Variants in TENM2 observed in about 807,000 individuals in gnomAD.
The protein encoded by TENM2 is teneurin transmembrane protein 2.
Under a neutral mutation model 245.2 loss-of-function variants are expected in TENM2, and 52 were observed. That is an observed-to-expected ratio of 0.21 (90% CI 0.17 to 0.27). TENM2 has a LOEUF of 0.27. TENM2 is among the 10% of genes least tolerant of loss of function. TENM2 has a pLI of 1.00. For synonymous variants in TENM2, 1,363 were observed against 1,438.9 expected (o/e 0.95, Z 1.19); for missense variants, 3,046 against 3,666.8 (o/e 0.83, Z 4.37).
chr5:168,246,889 C>T (rs771538856), exon 27 of TENM2: 19 of 1,613,888 alleles, frequency 1.2e-5, no homozygotes, highest in Admixed American at 6.7e-5. Context: ...CGGCTACATC[C>T]GTAATATTTA....
intron 5 of TENM2, among the ~76,000 whole-genome samples, chr5:168,030,820 A>C (rs1276636451): frequency 6.6e-6 from 1 of 152,182 alleles, no homozygotes; most frequent in Non-Finnish European, 1.5e-5. Context: ...TTGCCATCTA[A>C]TGTGTTTTTT....
chr5:167,742,740 C>T (rs1761269772), intron 2 of TENM2, among the ~76,000 whole-genome samples: 1 of 150,460 alleles, frequency 6.6e-6, no homozygotes, highest in Non-Finnish European at 1.5e-5. Flanking sequence ...CACTTGAGGC[C>T]AGGAGTTTGA....
intron 2 of TENM2, among the ~76,000 whole-genome samples, chr5:167,751,973 C>A (rs1219265817): frequency 6.6e-6 from 1 of 150,788 alleles, no homozygotes; most frequent in Non-Finnish European, 1.5e-5. Flanking sequence ...CACACACACA[C>A]ACATGCGCGC....
chr5:167,719,967 TA>T (rs1276633984), intron 2 of TENM2, among the ~76,000 whole-genome samples: 1 of 151,880 alleles, frequency 6.6e-6, no homozygotes, highest in Non-Finnish European at 1.5e-5. Context: ...ATGCAAAGGA[TA>T]ATAACACATT....
chr5:167,601,574 T>G (rs1295333255), intron 2 of TENM2, among the ~76,000 whole-genome samples: 1 of 152,226 alleles, frequency 6.6e-6, no homozygotes, highest in Non-Finnish European at 1.5e-5. Context: ...AGTAACTGTG[T>G]TTTTGGATAT....
At chr5:168,117,486 CAGTT>C (rs1755164822) in intron 9 of TENM2, among the ~76,000 whole-genome samples, 1 of 152,140 alleles carries the variant, frequency 6.6e-6, no homozygotes, top group African/African-American at 2.4e-5. Flanking sequence ...GTTAATTTAT[CAGTT>C]AGGCCCAGTA....
At chr5:167,569,158 A>G (rs116439077) in intron 2 of TENM2, among the ~76,000 whole-genome samples, 73 of 133,148 alleles carry the variant, frequency 5.5e-4, no homozygotes, top group African/African-American at 1.9e-3. Flanking sequence ...TACATCATTC[A>G]TATGTAATGT....
intron 12 of TENM2, among the ~76,000 whole-genome samples, chr5:168,158,952 T>A (rs1198609342): frequency 2.0e-5 from 3 of 147,242 alleles, no homozygotes; most frequent in Non-Finnish European, 4.5e-5. Context: ...TATACATATA[T>A]ATATGTACGT....
chr5:167,517,476 T>C (rs1770458528), intron 2 of TENM2, among the ~76,000 whole-genome samples: 1 of 152,144 alleles, frequency 6.6e-6, no homozygotes, highest in Non-Finnish European at 1.5e-5. Context: ...TTCACTATAT[T>C]ATGTAAATGA....
chr5:167,001,164 G>A, the TENM2 span, among the ~76,000 whole-genome samples: 1 of 152,000 alleles, frequency 6.6e-6, no homozygotes, highest in African/African-American at 2.4e-5. Flanking sequence ...CTTGATGAGA[G>A]GCCTTGACTA....
intron 2 of TENM2, among the ~76,000 whole-genome samples, chr5:167,567,264 A>G (rs1773964978): frequency 6.6e-6 from 1 of 152,158 alleles, no homozygotes; most frequent in African/African-American, 2.4e-5. Context: ...GAAAAAATAT[A>G]TAGGCAATTT....
chr5:167,880,606 G>A (rs1247820672), intron 3 of TENM2, among the ~76,000 whole-genome samples: 1 of 152,130 alleles, frequency 6.6e-6, no homozygotes, highest in Admixed American at 6.5e-5. Context: ...AAAGAAGTTT[G>A]TCATAAAGGA....
intron 2 of TENM2, among the ~76,000 whole-genome samples, chr5:167,728,521 T>A (rs1368929290): frequency 6.6e-6 from 1 of 151,128 alleles, no homozygotes; most frequent in Non-Finnish European, 1.5e-5. Flanking sequence ...GGAGGATTAC[T>A]TGAGCCCCAG....
the TENM2 span, among the ~76,000 whole-genome samples, chr5:167,178,229 T>G: frequency 6.6e-6 from 1 of 152,220 alleles, no homozygotes; most frequent in Non-Finnish European, 1.5e-5. Context: ...GAAGAAATTC[T>G]GCATTTATAG....
intron 5 of TENM2, among the ~76,000 whole-genome samples, chr5:168,043,405 G>T (rs1432820): frequency 5.3e-5 from 8 of 151,986 alleles, no homozygotes; most frequent in African/African-American, 1.9e-4. Flanking sequence ...TCTAAGTCTG[G>T]TTCTGAGAGT....
At chr5:167,070,365 A>G in the TENM2 span, among the ~76,000 whole-genome samples, 91,339 of 144,688 alleles carry the variant, frequency 0.63, 30,980 homozygotes, top group African/African-American at 0.9. Context: ...TCCTGACCTC[A>G]TGATCCCCCC....
chr5:167,084,343 A>G, the TENM2 span, among the ~76,000 whole-genome samples: 2 of 98,036 alleles, frequency 2.0e-5, no homozygotes, highest in African/African-American at 6.9e-5. Flanking sequence ...ATATATATAT[A>G]TATATATATA....
intron 2 of TENM2, among the ~76,000 whole-genome samples, chr5:167,749,846 A>C (rs1026910004): frequency 6.6e-6 from 1 of 152,044 alleles, no homozygotes; most frequent in African/African-American, 2.4e-5. Context: ...AATCTTATAA[A>C]CCATGTATAG....
intron 5 of TENM2, among the ~76,000 whole-genome samples, chr5:168,028,924 G>T (rs1020160580): frequency 6.6e-6 from 1 of 152,168 alleles, no homozygotes; most frequent in African/African-American, 2.4e-5. Flanking sequence ...CAAGGGCATG[G>T]GAATATTACT....
Sources: gnomAD v4.1 joint callset for allele counts (sites outside exome capture counted in the v4.1 genomes callset) on GRCh38, gnomAD v4.1.1 for gene constraint, MANE v1.5 for transcripts, NCBI Gene and HGNC (gene_info 2026-07-23, HGNC 2026-07-21) for gene names.